The following PTPRN2 variants were observed in gnomAD, a reference collection of about 807,000 sequenced individuals.
PTPRN2 encodes the protein protein tyrosine phosphatase receptor type N2, also known as receptor-type tyrosine-protein phosphatase N2.
A neutral mutation model predicts 118.8 loss-of-function variants in PTPRN2; 74 were observed. That is an observed-to-expected ratio of 0.62 (90% CI 0.52 to 0.76). The LOEUF is 0.76. PTPRN2 is among the 30% of genes least tolerant of loss of function. The pLI, the probability that PTPRN2 is intolerant of heterozygous loss-of-function variation, is 0.00. For missense variants in PTPRN2, 1,481 were observed against 1,394.4 expected (o/e 1.06, Z -0.99); for synonymous variants, 641 against 608.0 (o/e 1.05, Z -0.80).
At position 158,250,369 on chromosome 7, in the gene PTPRN2, C is replaced by T. The variant is rs149615758; in HGVS notation, c.278-45096G>A. Among the ~76,000 whole-genome samples the T allele has an allele frequency of 5.3e-3, 809 of 152,216 alleles. 10 individuals are homozygous for T. Among genetic ancestry groups the T allele is most frequent in the African/African-American group, 0.018 (749 of 41,516 alleles). On this transcript the variant is annotated intron_variant, in intron 3 of 22. Coordinates refer to ENST00000389418, the MANE Select transcript of PTPRN2 (RefSeq NM_002847.5). ...GTTATTTATTGTTATACATTTATAG[C>T]ATAATGCATGCCTATTTAAGAAAAT...
chr7:158,270,920 A>T (rs1289132614), intron 3 of PTPRN2, among the ~76,000 whole-genome samples: 2 of 12,836 alleles, frequency 1.6e-4, no homozygotes, highest in Non-Finnish European at 1.4e-4. Context: ...CCCCACCTGG[A>T]CCACCCCCCC....
chr7:157,867,743 A>G (rs939552670), intron 12 of PTPRN2, among the ~76,000 whole-genome samples: 2 of 152,240 alleles, frequency 1.3e-5, no homozygotes, highest in Admixed American at 6.5e-5. Context: ...TCCACGCACT[A>G]ATGTTCATTC....
chr7:157,735,228 C>A (rs187453879), intron 12 of PTPRN2, among the ~76,000 whole-genome samples: 1 of 152,258 alleles, frequency 6.6e-6, no homozygotes, highest in Non-Finnish European at 1.5e-5. Flanking sequence ...AACAGACACT[C>A]AAGCAACTCT....
At chr7:158,520,441 A>G (rs1428401991) in intron 1 of PTPRN2, among the ~76,000 whole-genome samples, 1 of 152,220 alleles carries the variant, frequency 6.6e-6, no homozygotes, top group Non-Finnish European at 1.5e-5. Flanking sequence ...AAAACAGTTC[A>G]TGCCCTTCGG....
chr7:158,162,721 A>G (rs1822472183), intron 6 of PTPRN2, among the ~76,000 whole-genome samples: 1 of 152,084 alleles, frequency 6.6e-6, no homozygotes, highest in Non-Finnish European at 1.5e-5. Context: ...GCTCTTTGAA[A>G]GGAGACCAGA....
At chr7:157,558,378 G>T (rs964788774) in intron 21 of PTPRN2, among the ~76,000 whole-genome samples, 1 of 152,226 alleles carries the variant, frequency 6.6e-6, no homozygotes, top group Non-Finnish European at 1.5e-5. Context: ...GTCATTCCCA[G>T]ATCAGTGCAG....
Position 158,164,544 on chromosome 7 carries a change from G to GAGCGGGA in PTPRN2, c.910+2386_910+2387insTCCCGCT, listed in dbSNP as rs1404622636. Among the ~76,000 whole-genome samples, 5 of 2,878 alleles carry GAGCGGGA rather than the reference G, an allele frequency of 1.7e-3. No individual in the cohort carries two copies. The African/African-American group carries it at 0.019, about 11-fold the overall frequency. The allele number at this position is 2,878 out of a possible 152,430, so 1.9% of individuals were successfully genotyped here. ...AGAGCGGGAGCGCGCACGTAGGGAA[G>GAGCGGGA]GCGCGCACGTAGGGAAGGCACGCAG... On this transcript the variant is annotated intron_variant, in intron 6 of 22. Coordinates refer to ENST00000389418, the MANE Select transcript of PTPRN2 (RefSeq NM_002847.5).
intron 14 of PTPRN2, among the ~76,000 whole-genome samples, chr7:157,639,884 A>G (rs1804568010): frequency 6.6e-6 from 1 of 152,228 alleles, no homozygotes; most frequent in Admixed American, 6.5e-5. Flanking sequence ...CTCATCCAGA[A>G]TTGAGGCTCA....
At chr7:158,004,630 C>A (rs1805518098) in intron 11 of PTPRN2, among the ~76,000 whole-genome samples, 1 of 152,092 alleles carries the variant, frequency 6.6e-6, no homozygotes, top group Non-Finnish European at 1.5e-5. Context: ...GCTATGTGTG[C>A]TTATATGGAA....
chr7:158,350,710 C>T (rs963335606), intron 2 of PTPRN2, among the ~76,000 whole-genome samples: 5 of 152,182 alleles, frequency 3.3e-5, no homozygotes, highest in African/African-American at 9.7e-5. Flanking sequence ...ACTGGATCCA[C>T]GCCCAGTGGA....
intron 8 of PTPRN2, 73 bp downstream of exon 8, chr7:158,136,582 T>C: frequency 6.8e-7 from 1 of 1,464,666 alleles, no homozygotes; most frequent in East Asian, 2.3e-5. Context: ...TCATAAATGT[T>C]CCCACACCAT....
chr7:157,919,950 T>C (rs558951028), intron 11 of PTPRN2, among the ~76,000 whole-genome samples: 12 of 152,322 alleles, frequency 7.9e-5, no homozygotes, highest in African/African-American at 2.6e-4. Flanking sequence ...TGCCTACCGC[T>C]GTGTTACACC....
chr7:158,261,424 C>CA (rs1381579238), intron 3 of PTPRN2, among the ~76,000 whole-genome samples: 2 of 152,090 alleles, frequency 1.3e-5, no homozygotes, highest in Non-Finnish European at 2.9e-5. Context: ...GGCAGGGACC[C>CA]AGCCCAAGCC....
At chr7:157,626,943 C>T (rs1405092057) in intron 14 of PTPRN2, among the ~76,000 whole-genome samples, 1 of 152,252 alleles carries the variant, frequency 6.6e-6, no homozygotes, top group African/African-American at 2.4e-5. Flanking sequence ...CACTGTAACT[C>T]ATGACAGACA....
In PTPRN2 at chr7:157,609,406, A is replaced by T. The variant is rs75628005; in HGVS notation, c.2345-5331T>A. Among the ~76,000 whole-genome samples the T allele has an allele frequency of 3.6e-3, 539 of 151,296 alleles. 6 individuals carry two copies. The highest frequency in any genetic ancestry group is 0.013 in the African/African-American group (516 of 41,168). ...CTCAAAAAAATTTTTTTTTAAATAT[A>T]AAAAAAAAGAGTATTTCAAATTTCT... On this transcript the variant is annotated intron_variant, in intron 15 of 22. Transcript: ENST00000389418. The surrounding 1 kb of genome is among the most constrained non-coding windows in gnomAD (Gnocchi z 4.9).
chr7:157,893,383 C>A lies in PTPRN2; in HGVS notation c.1788+5290G>T, dbSNP rs890569035. Among the ~76,000 whole-genome samples the A allele has an allele frequency of 6.6e-6, 1 of 152,224 alleles. No homozygotes were observed. Among genetic ancestry groups the A allele is most frequent in the African/African-American group, 2.4e-5 (1 of 41,450 alleles). ...TGCCCTCAGCCCCCACGGTCCCCCG[C>A]AGTCTAGGGAGAACCTTCCTTCCCA... On this transcript the variant is annotated intron_variant, in intron 12 of 22. Transcript: ENST00000389418. This position sits in a 1 kb window ranked among gnomAD's most constrained non-coding sequence, Gnocchi z 4.0.
chr7:158,582,154 A>C (rs138790218), intron 1 of PTPRN2, among the ~76,000 whole-genome samples: 30 of 152,330 alleles, frequency 2.0e-4, no homozygotes, highest in African/African-American at 6.7e-4. Context: ...TCTATCAACT[A>C]AGATTAAAAA....
In PTPRN2 at chr7:157,671,409, T is replaced by C. The variant is rs1341117698; in HGVS notation, c.2001+11316A>G. 6.6e-6 allele frequency among the ~76,000 whole-genome samples: 1 copy of C among 151,888 alleles called. No homozygotes were observed. Among genetic ancestry groups the C allele is most frequent in the African/African-American group, 2.4e-5 (1 of 41,328 alleles). ...GGGATAAAGGGGAGGTAGGGATGAA[T>C]AGGGCCCTGGTGTTCGGGATGGGAC... is the stretch of plus-strand genomic sequence containing the variant. On this transcript the variant is annotated intron_variant, in intron 13 of 22. Transcript: ENST00000389418. This position sits in a 1 kb window ranked among gnomAD's most constrained non-coding sequence, Gnocchi z 4.1.
rs901186799 is a variant in PTPRN2, at chr7:158,438,908, G to A, written c.163+50827C>T. On this transcript the variant is annotated intron_variant, in intron 2 of 22. Transcript: ENST00000389418. The surrounding 1 kb of genome is among the most constrained non-coding windows in gnomAD (Gnocchi z 4.7). ...AAAGTCAAGCTGGGAACTGCTCAGG[G>A]CAAACCTGCCTCCCATTCTGTTCAA... 6.6e-6 allele frequency among the ~76,000 whole-genome samples: 1 copy of A among 152,128 alleles called. No individual in the cohort carries two copies. The highest frequency in any genetic ancestry group is 2.4e-5 in the African/African-American group (1 of 41,400).
Sources: gnomAD v4.1 joint callset for allele counts (sites outside exome capture counted in the v4.1 genomes callset) on GRCh38, gnomAD v4.1.1 for gene constraint, Gnocchi (gnomAD v3.1) non-coding constraint, MANE v1.5 for transcripts, NCBI Gene and HGNC (gene_info 2026-07-23, HGNC 2026-07-21) for gene names.